ITGB6: variants seen among roughly 807,000 people sequenced by gnomAD.
ITGB6 encodes integrin subunit beta 6.
A neutral mutation model predicts 84.5 loss-of-function variants in ITGB6; 80 were observed. That is an observed-to-expected ratio of 0.95 (90% CI 0.79 to 1.14). The LOEUF (loss-of-function observed/expected upper bound fraction) is 1.14. Among genes scored for constraint, ITGB6 ranks in the 50% most tolerant of loss-of-function variants. The pLI, the probability that ITGB6 is intolerant of heterozygous loss-of-function variation, is 0.00. For synonymous variants in ITGB6, 383 were observed against 354.9 expected, an observed-to-expected ratio of 1.08 and a Z score of -0.89; for missense variants, 1,006 against 968.0, an observed-to-expected ratio of 1.04 and a Z score of -0.52.
intron 7 of ITGB6, among the ~76,000 whole-genome samples, chr2:160,167,041 C>T (rs991328786): frequency 4.6e-5 from 7 of 152,308 alleles, no homozygotes; most frequent in African/African-American, 1.7e-4. Context: ...ACGTGTAACT[C>T]GGGCAAATAA....
At chr2:160,119,654 A>T (rs916444020) in intron 12 of ITGB6, among the ~76,000 whole-genome samples, 4 of 152,180 alleles carry the variant, frequency 2.6e-5, no homozygotes, top group Admixed American at 2.6e-4. Flanking sequence ...ACAAAAGTCA[A>T]AATTAACAAA....
chr2:160,169,223 G>T lies in ITGB6; in HGVS notation c.1006C>A (p.His336Asn), dbSNP rs770567732. 2 of 1,591,856 alleles carry T rather than the reference G, an allele frequency of 1.3e-6. No homozygotes were observed. The highest frequency in any genetic ancestry group is 2.3e-5 in the South Asian group (2 of 87,608). The part of the protein sequence containing the change: ...LIFAVTQEQV[H>N]LYENYAKLIP... ...TTATTTTTGCTTACCTCATATAAAT[G>T]AACTTGTTCTTGGGTTACAGCGAAG... The change falls in exon 7 of 15, where the codon CAT becomes AAT. Residue 336 changes from histidine (H) to asparagine (N), a missense_variant. By Grantham distance (68) the His-to-Asn change is moderately conservative. Coordinates refer to ENST00000283249, the MANE Select transcript of ITGB6 (RefSeq NM_000888.5).
chr2:160,175,168 T>C (rs1409934807), intron 4 of ITGB6, among the ~76,000 whole-genome samples: 1 of 152,234 alleles, frequency 6.6e-6, no homozygotes, highest in Non-Finnish European at 1.5e-5. Flanking sequence ...GGGCCTTGGC[T>C]CTACAGGTCC....
Position 160,180,185 on chromosome 2 carries a change from AT to A in ITGB6, c.594-6047del, listed in dbSNP as rs369221205. Among the ~76,000 whole-genome samples, 635 of 152,262 alleles carry A rather than the reference AT, an allele frequency of 4.2e-3. 5 individuals carry two copies. The highest frequency in any genetic ancestry group is 0.014 in the African/African-American group (594 of 41,568). On this transcript the variant is annotated intron_variant, in intron 4 of 14. Coordinates refer to ENST00000283249, the MANE Select transcript of ITGB6 (RefSeq NM_000888.5). ...TGTATCTTAGACAACAGCAAAAGAA[AT>A]TCTTTTCAAAAATGTAAACCACTTC... is the stretch of plus-strand genomic sequence containing the variant.
intron 10 of ITGB6, among the ~76,000 whole-genome samples, chr2:160,131,552 A>G (rs1196801954): frequency 6.6e-6 from 1 of 152,168 alleles, no homozygotes. Context: ...ACTAAGCACA[A>G]TGCCAGGCAC....
intron 12 of ITGB6, 72 bp from the exon 13 acceptor site, chr2:160,112,271 T>C: frequency 7.2e-7 from 1 of 1,390,470 alleles, no homozygotes; most frequent in Non-Finnish European, 1.0e-6. Context: ...CAAAGTAGTA[T>C]TGAGTTTTAA....
chr2:160,107,560 A>T, intron 14 of ITGB6, 119 bp downstream of exon 14: 4 of 872,650 alleles, frequency 4.6e-6, no homozygotes, highest in Non-Finnish European at 7.3e-6. Flanking sequence ...TCATGGCGAG[A>T]GTGGGAGAGA....
At chr2:160,132,462 T>G (rs376879074) in intron 10 of ITGB6, among the ~76,000 whole-genome samples, 1 of 152,170 alleles carries the variant, frequency 6.6e-6, no homozygotes, top group Non-Finnish European at 1.5e-5. Context: ...CTTCTTTCTT[T>G]CAGGTCTTTT....
chr2:160,189,187 T>C (rs1205850497), intron 4 of ITGB6, among the ~76,000 whole-genome samples: 1 of 152,176 alleles, frequency 6.6e-6, no homozygotes, highest in Non-Finnish European at 1.5e-5. Context: ...CCTTACACCT[T>C]ATACAAAAAT....
rs368181636 is a variant in ITGB6 at position 160,137,858 on chromosome 2, A to G, written c.1243-7T>C. 12 of 1,611,554 alleles carry G rather than the reference A, an allele frequency of 7.4e-6. No individual in the cohort carries two copies. The African/African-American group carries it at 1.6e-4, about 22-fold the overall frequency. On this transcript the variant is annotated splice_polypyrimidine_tract_variant and splice_region_variant and intron_variant, in intron 9 of 14. Transcript: ENST00000283249. ...CAGTCACGCTGAAGGAAGCCTGGAA[A>G]AGAAAATACTAATTATCTCCCTCCA...
intron 5 of ITGB6, among the ~76,000 whole-genome samples, chr2:160,173,751 G>A (rs1376345746): frequency 6.6e-6 from 1 of 151,962 alleles, no homozygotes; most frequent in Non-Finnish European, 1.5e-5. Context: ...TTCCCAACAC[G>A]ACAATTTTCT....
intron 8 of ITGB6, among the ~76,000 whole-genome samples, chr2:160,141,384 T>C (rs1170107907): frequency 6.6e-6 from 1 of 152,068 alleles, no homozygotes; most frequent in Non-Finnish European, 1.5e-5. Flanking sequence ...ACACCGTAGG[T>C]ATATATTCTA....
chr2:160,108,108 C>T (rs766611246), intron 13 of ITGB6, among the ~76,000 whole-genome samples: 2 of 151,616 alleles, frequency 1.3e-5, no homozygotes, highest in Non-Finnish European at 2.9e-5. Flanking sequence ...AAAGAGAATC[C>T]AAAAGAGTGA....
rs141021982 is a variant in ITGB6, at chr2:160,159,408, G to A, written c.1017+9804C>T. On this transcript the variant is annotated intron_variant, in intron 7 of 14. Transcript: ENST00000283249. ...GCTTGTAGTGATTTGGAAAATAAAGGCATTAGGTTTTTAAATCTATATACC... is the reference window on the plus strand; with the variant it reads ...GCTTGTAGTGATTTGGAAAATAAAGACATTAGGTTTTTAAATCTATATACC... Among the ~76,000 whole-genome samples, 1,133 of 152,212 alleles carry A rather than the reference G, an allele frequency of 7.4e-3. 4 individuals carry two copies. The highest frequency in any genetic ancestry group is 0.013 in the Non-Finnish European group (903 of 68,004).
rs143293508 is a variant in ITGB6, at chr2:160,110,941, G to A, written c.2101+1139C>T. Among the ~76,000 whole-genome samples the A allele has an allele frequency of 1.5e-4, 23 of 152,258 alleles. No homozygotes were observed. In the East Asian group the frequency reaches 3.7e-3, roughly 24 times the overall value. On this transcript the variant is annotated intron_variant, in intron 13 of 14. Coordinates refer to ENST00000283249, the MANE Select transcript of ITGB6 (RefSeq NM_000888.5). ...TCAGGTGACTCTTGTTAAGCCTCCG[G>A]GAGGTTATGTTTCCCCTCACTTTTC... is the stretch of plus-strand genomic sequence containing the variant.
In ITGB6 at chr2:160,138,146, G is replaced by A. The variant is rs754930610; in HGVS notation, c.1161C>T (p.Asn387=). ...LEVLGDTEGL[N]LSFTAICNNG... Reference sequence around the variant, plus strand: ...TGTTACAGATGGCTGTAAATGACAAGTTGAGTCCTTCAGTGTCTCCTAATA... The same window carrying A: ...TGTTACAGATGGCTGTAAATGACAAATTGAGTCCTTCAGTGTCTCCTAATA... The change falls in exon 9 of 15, where the codon AAC becomes AAT. Residue 387 remains asparagine (N), a synonymous_variant. Transcript: ENST00000283249. The A allele has an allele frequency of 6.2e-7, 1 of 1,613,958 alleles. No individual in the cohort carries two copies. The highest frequency in any genetic ancestry group is 2.2e-5 in the East Asian group (1 of 44,866).
chr2:160,142,097 A>C, intron 7 of ITGB6, 26 bp from the exon 8 acceptor site: 1 of 1,424,162 alleles, frequency 7.0e-7, no homozygotes. Flanking sequence ...GAGTAAGTCA[A>C]TCTTTGTTTC....
chr2:160,128,322 T>C (rs1271568458), intron 10 of ITGB6, among the ~76,000 whole-genome samples: 1 of 149,338 alleles, frequency 6.7e-6, no homozygotes, highest in Non-Finnish European at 1.5e-5. Context: ...TGTGGAATCA[T>C]GTGACCTGCT....
At chr2:160,136,249 C>A (rs1348165661) in intron 10 of ITGB6, among the ~76,000 whole-genome samples, 1 of 152,166 alleles carries the variant, frequency 6.6e-6, no homozygotes, top group Non-Finnish European at 1.5e-5. Flanking sequence ...AGGATATGAA[C>A]AGACACTTCT....
Sources: allele counts gnomAD v4.1 joint callset (sites outside exome capture counted in the v4.1 genomes callset), GRCh38; gene constraint gnomAD v4.1.1; transcripts MANE v1.5; gene names NCBI Gene and HGNC (gene_info 2026-07-23, HGNC 2026-07-21).